Variants in ADGRV1 observed in about 807,000 individuals in gnomAD.
ADGRV1 encodes adhesion G protein-coupled receptor V1.
A neutral mutation model predicts 596.2 loss-of-function variants in ADGRV1; 359 were observed. That is an observed-to-expected ratio of 0.60 (90% CI 0.55 to 0.66). The LOEUF is 0.66. ADGRV1 is among the 30% of genes least tolerant of loss of function. ADGRV1 has a pLI of 0.00. For missense variants in ADGRV1, 7,274 were observed against 7,575.6 expected (o/e 0.96, Z 1.48); for synonymous variants, 2,681 against 2,679.2 (o/e 1.00, Z -0.02).
chr5:91,148,709 A>G (rs374846728), intron 87 of ADGRV1, among the ~76,000 whole-genome samples: 4 of 152,296 alleles, frequency 2.6e-5, no homozygotes, highest in African/African-American at 9.6e-5. Flanking sequence ...ACCATCTTCT[A>G]GACCCCAGAA....
chr5:90,777,888 T>TTTGTTTA lies in ADGRV1; in HGVS notation c.12528-11_12528-5dup. ...TCAACTGAAATGTATTGGATATACA[T>TTTGTTTA]TTGTTTATTGTTGTAGCCTTGTTCG... On this transcript the variant is annotated splice_polypyrimidine_tract_variant and intron_variant, in intron 61 of 89. Coordinates refer to ENST00000405460, the MANE Select transcript of ADGRV1 (RefSeq NM_032119.4). 6.3e-7 allele frequency: 1 copy of TTTGTTTA among 1,589,996 alleles called. No individual in the cohort carries two copies. Among genetic ancestry groups the TTTGTTTA allele is most frequent in the Non-Finnish European group, 8.6e-7 (1 of 1,163,218 alleles).
At chr5:90,688,470 C>T (rs536454117) in intron 29 of ADGRV1, among the ~76,000 whole-genome samples, 2 of 152,262 alleles carry the variant, frequency 1.3e-5, no homozygotes, top group South Asian at 4.1e-4. Flanking sequence ...ATTCTCCTGC[C>T]TCAGCCTTCC....
Position 90,627,498 on chromosome 5 carries a change from G to A in ADGRV1, c.960G>A (p.Leu320=). 6.2e-7 allele frequency: 1 copy of A among 1,613,872 alleles called. No homozygotes were observed. Residue 320 remains leucine, a synonymous_variant, in exon 7 of 90, where the codon CTG becomes CTA. Coordinates refer to ENST00000405460, the MANE Select transcript of ADGRV1 (RefSeq NM_032119.4). The part of the protein sequence containing the change: ...GNSTAHAQQN[L]DFIDLQPNTT... ...CCACAGCACATGCCCAGCAAAATCT[G>A]GACTTCATTGATCTTCAGCCAAACA...
intron 85 of ADGRV1, among the ~76,000 whole-genome samples, chr5:91,010,441 C>T (rs1782632804): frequency 6.6e-6 from 1 of 152,000 alleles, no homozygotes. Flanking sequence ...TTGGCCTGTG[C>T]AGGCATATTT....
chr5:90,745,119 T>A lies in ADGRV1; in HGVS notation c.10623T>A (p.Phe3541Leu), dbSNP rs570655362. 6.2e-7 allele frequency: 1 copy of A among 1,613,842 alleles called. No individual in the cohort carries two copies. Among genetic ancestry groups the A allele is most frequent in the South Asian group, 1.1e-5 (1 of 91,076 alleles). ...ATTCGGAGCGTAATCAATTCTCTTTTGTTCTGGAAGTACCTTCTGCTTATG... is the reference window on the plus strand; with the variant it reads ...ATTCGGAGCGTAATCAATTCTCTTTAGTTCTGGAAGTACCTTCTGCTTATG... ...CWNSERNQFSFVLEVPSAYDV... is the reference protein window; with the variant it reads ...CWNSERNQFSLVLEVPSAYDV... Residue 3541 changes from phenylalanine to leucine, a missense_variant, in exon 51 of 90, where the codon TTT becomes TTA. Physicochemically the swap from Phe to Leu is conservative, Grantham distance 22. Transcript: ENST00000405460.
chr5:90,918,427 C>T (rs746262015), intron 83 of ADGRV1, among the ~76,000 whole-genome samples: 2 of 152,216 alleles, frequency 1.3e-5, no homozygotes, highest in Non-Finnish European at 2.9e-5. Flanking sequence ...CTATTTTCAG[C>T]GATTTTATCT....
chr5:91,149,176 G>C (rs1225278261), intron 87 of ADGRV1, among the ~76,000 whole-genome samples: 1 of 152,198 alleles, frequency 6.6e-6, no homozygotes, highest in African/African-American at 2.4e-5. Context: ...CTGTTGGAAG[G>C]ACATGATTGT....
At chr5:90,758,258 GGGAGGC>G (rs1756057539) in intron 57 of ADGRV1, among the ~76,000 whole-genome samples, 2 of 152,088 alleles carry the variant, frequency 1.3e-5, no homozygotes, top group African/African-American at 4.8e-5. Context: ...GCGTGAACCT[GGGAGGC>G]GGAGCTTGCA....
At chr5:91,045,136 T>C (rs1242605345) in intron 85 of ADGRV1, among the ~76,000 whole-genome samples, 3 of 152,160 alleles carry the variant, frequency 2.0e-5, no homozygotes, top group Non-Finnish European at 4.4e-5. Flanking sequence ...CCATTACTGT[T>C]GACACTATTC....
chr5:90,707,177 A>G (rs1366403179), intron 38 of ADGRV1, among the ~76,000 whole-genome samples: 1 of 152,190 alleles, frequency 6.6e-6, no homozygotes, highest in Non-Finnish European at 1.5e-5. Context: ...TAAGCTTAGC[A>G]TAATCATTAA....
chr5:90,666,537 C>T (rs964669513), intron 21 of ADGRV1, among the ~76,000 whole-genome samples: 1 of 124,680 alleles, frequency 8.0e-6, no homozygotes, highest in African/African-American at 3.2e-5. Flanking sequence ...TTCCTGAATA[C>T]AGCACACTGA....
chr5:90,956,678 A>C (rs1318217848), intron 83 of ADGRV1, among the ~76,000 whole-genome samples: 1 of 152,120 alleles, frequency 6.6e-6, no homozygotes, highest in African/African-American at 2.4e-5. Flanking sequence ...AAGGTACTTT[A>C]TGTACTTCTA....
At chr5:90,921,237 T>C (rs982918992) in intron 83 of ADGRV1, among the ~76,000 whole-genome samples, 2 of 152,248 alleles carry the variant, frequency 1.3e-5, no homozygotes, top group African/African-American at 2.4e-5. Context: ...TTAAATAATA[T>C]CACACTGTGT....
intron 83 of ADGRV1, among the ~76,000 whole-genome samples, chr5:90,944,057 C>G (rs2150873002): frequency 6.6e-6 from 1 of 152,192 alleles, no homozygotes; most frequent in Non-Finnish European, 1.5e-5. Context: ...GTTTATCTTT[C>G]TAACATGGGA....
chr5:90,686,218 T>C (rs1295325465), intron 29 of ADGRV1, among the ~76,000 whole-genome samples: 1 of 151,842 alleles, frequency 6.6e-6, no homozygotes, highest in Non-Finnish European at 1.5e-5. Context: ...TTATTTTTAT[T>C]TTATTATTAT....
At chr5:90,649,728 A>G (rs1404248557) in intron 17 of ADGRV1, among the ~76,000 whole-genome samples, 1 of 152,182 alleles carries the variant, frequency 6.6e-6, no homozygotes, top group Non-Finnish European at 1.5e-5. Context: ...ACCTCAAGCA[A>G]TTCGCCCGCC....
chr5:90,646,772 CT>C (rs1444443273), intron 16 of ADGRV1, among the ~76,000 whole-genome samples: 1 of 103,922 alleles, frequency 9.6e-6, no homozygotes, highest in Non-Finnish European at 2.0e-5. Flanking sequence ...TTTCTTTCTT[CT>C]TCTTTTTTTT....
At chr5:90,976,390 G>A (rs1779619295) in intron 84 of ADGRV1, among the ~76,000 whole-genome samples, 1 of 138,320 alleles carries the variant, frequency 7.2e-6, no homozygotes, top group African/African-American at 2.7e-5. Flanking sequence ...ACCATGCATG[G>A]GTATACCTTT....
chr5:90,783,263 C>A lies in ADGRV1; in HGVS notation c.13371C>A (p.Val4457=). ...ATTACATTTTGCATGGCAGTACAGT[C>A]ACCTTTCAGCATGGGCAAAACTTAA... ...GVDYILHGST[V]TFQHGQNLSF... The change falls in exon 66 of 90, where the codon GTC becomes GTA. Residue 4457 remains valine, a synonymous_variant. Coordinates refer to ENST00000405460, the MANE Select transcript of ADGRV1 (RefSeq NM_032119.4). 2 of 1,613,506 alleles carry A rather than the reference C, an allele frequency of 1.2e-6. No homozygotes were observed.
Sources: gnomAD v4.1 joint callset for allele counts (sites outside exome capture counted in the v4.1 genomes callset) on GRCh38, gnomAD v4.1.1 for gene constraint, MANE v1.5 for transcripts, NCBI Gene and HGNC (gene_info 2026-07-23, HGNC 2026-07-21) for gene names.